Variants in RSBN1L observed in about 807,000 individuals in gnomAD.
RSBN1L encodes the protein lysine-specific demethylase RSBN1L.
A neutral mutation model predicts 67.7 loss-of-function variants in RSBN1L; 30 were observed. The ratio of observed to expected loss-of-function variants is 0.44; its 90% CI spans 0.33 to 0.60. The LOEUF (loss-of-function observed/expected upper bound fraction) is 0.60, where lower values mean the gene tolerates loss of function less well. RSBN1L is among the 20% of genes least tolerant of loss of function. The pLI is 0.02. For synonymous variants in RSBN1L, 433 were observed against 387.0 expected (o/e 1.12, Z -1.39); for missense variants, 992 against 1,031.7 (o/e 0.96, Z 0.53).
At chr7:77,744,507 A>G (rs1791456351) in intron 2 of RSBN1L, among the ~76,000 whole-genome samples, 1 of 151,162 alleles carries the variant, frequency 6.6e-6, no homozygotes, top group African/African-American at 2.4e-5. Flanking sequence ...GAGACGTCTC[A>G]CTCTCGTCAC....
intron 1 of RSBN1L, among the ~76,000 whole-genome samples, chr7:77,711,191 T>A (rs146233234): frequency 0.012 from 1,848 of 152,178 alleles, 20 homozygotes; most frequent in Non-Finnish European, 0.017. Flanking sequence ...GGAAAGGAAA[T>A]AAACTGTGGG....
intron 3 of RSBN1L, among the ~76,000 whole-genome samples, chr7:77,754,149 C>T (rs1791588632): frequency 6.6e-6 from 1 of 152,202 alleles, no homozygotes; most frequent in Non-Finnish European, 1.5e-5. Context: ...GTGATCCTCC[C>T]ACCTCAGCTT....
intron 1 of RSBN1L, among the ~76,000 whole-genome samples, chr7:77,730,750 A>G (rs1791262689): frequency 6.6e-6 from 1 of 152,234 alleles, no homozygotes; most frequent in Non-Finnish European, 1.5e-5. Context: ...GTGCTGAAGA[A>G]TATTCCATTG....
At chr7:77,760,080 A>G (rs1238222363) in intron 3 of RSBN1L, among the ~76,000 whole-genome samples, 1 of 152,234 alleles carries the variant, frequency 6.6e-6, no homozygotes. Flanking sequence ...TCGTAATTAC[A>G]TAAGAGAAAA....
At chr7:77,765,987 G>T (rs1049380790) in intron 4 of RSBN1L, among the ~76,000 whole-genome samples, 3 of 152,138 alleles carry the variant, frequency 2.0e-5, no homozygotes, top group Admixed American at 6.6e-5. Context: ...AGAAGTACAG[G>T]AAGGATTCTA....
At chr7:77,756,764 G>A (rs895848635) in intron 3 of RSBN1L, among the ~76,000 whole-genome samples, 1 of 152,206 alleles carries the variant, frequency 6.6e-6, no homozygotes, top group Admixed American at 6.5e-5. Flanking sequence ...GGACGACAGA[G>A]TGAGACTCCG....
chr7:77,703,309 C>T (rs142192128), intron 1 of RSBN1L, among the ~76,000 whole-genome samples: 1 of 152,044 alleles, frequency 6.6e-6, no homozygotes, highest in Admixed American at 6.6e-5. Flanking sequence ...TGGGGTATTG[C>T]AGGATAAAGA....
chr7:77,759,772 T>G (rs900251021), intron 3 of RSBN1L: 3 of 152,192 alleles, frequency 2.0e-5, no homozygotes, highest in African/African-American at 7.2e-5. Flanking sequence ...CTTGGAATGT[T>G]GATAGGTATA....
At chr7:77,736,128 T>A (rs1791333294) in intron 1 of RSBN1L, among the ~76,000 whole-genome samples, 1 of 152,138 alleles carries the variant, frequency 6.6e-6, no homozygotes, top group African/African-American at 2.4e-5. Context: ...TTAGTTATTT[T>A]AAGTGATTTG....
At chr7:77,761,804 A>G (rs1349449129) in intron 3 of RSBN1L, among the ~76,000 whole-genome samples, 1 of 152,208 alleles carries the variant, frequency 6.6e-6, no homozygotes. Context: ...GTTAAAGGTT[A>G]TATTACAATA....
At chr7:77,700,396 C>G (rs1442997147) in intron 1 of RSBN1L, among the ~76,000 whole-genome samples, 2 of 152,066 alleles carry the variant, frequency 1.3e-5, no homozygotes, top group Non-Finnish European at 2.9e-5. Context: ...TACTTTTTTC[C>G]TTAAAATGAC....
intron 1 of RSBN1L, among the ~76,000 whole-genome samples, chr7:77,714,435 G>C (rs987184251): frequency 1.3e-5 from 2 of 152,142 alleles, no homozygotes; most frequent in African/African-American, 4.8e-5. Context: ...TTTTTAGAAT[G>C]TCATATAAGT....
At chr7:77,778,479 G>GT in intron 7 of RSBN1L, 33 bp downstream of exon 7, 1 of 1,596,372 alleles carries the variant, frequency 6.3e-7, no homozygotes, top group Non-Finnish European at 8.5e-7. Context: ...CTTTGGTTTA[G>GT]TTTTTATTAT....
chr7:77,781,662 C>T lies in RSBN1L; in HGVS notation c.*2494C>T, dbSNP rs916435542. On this transcript the variant is annotated 3_prime_UTR_variant, in exon 8 of 8. Transcript: ENST00000334955. The stretch of plus-strand genomic sequence containing the variant: ...CTATATAACCTATAGTCAGACTTAT[C>T]TATAATATGAAAATTTAATTGTTTT... 5 of 152,066 alleles carry T rather than the reference C, an allele frequency of 3.3e-5. No homozygotes were observed. Among genetic ancestry groups the T allele is most frequent in the African/African-American group, 1.2e-4 (5 of 41,416 alleles). 9.4% of individuals were successfully genotyped at this position (152,066 alleles called of 1,614,324 possible). A position where few individuals can be genotyped will look rare whatever the true frequency, so the allele number is the denominator to read the frequency against.
At chr7:77,697,162 C>T in intron 1 of RSBN1L, 107 bp downstream of exon 1, 1 of 1,219,856 alleles carries the variant, frequency 8.2e-7, no homozygotes, top group South Asian at 2.9e-5. Flanking sequence ...GTGCGCCGGC[C>T]TGGAGGGGCT....
chr7:77,746,274 C>T (rs556137178), intron 2 of RSBN1L, among the ~76,000 whole-genome samples: 1 of 152,246 alleles, frequency 6.6e-6, no homozygotes, highest in Admixed American at 6.5e-5. Context: ...TTCGGGAGGC[C>T]TCAGGAAACT....
At chr7:77,708,443 A>T (rs1790924243) in intron 1 of RSBN1L, among the ~76,000 whole-genome samples, 2 of 150,358 alleles carry the variant, frequency 1.3e-5, no homozygotes, top group African/African-American at 4.9e-5. Flanking sequence ...GTGCAGTGGC[A>T]TGATCTCGGC....
intron 2 of RSBN1L, among the ~76,000 whole-genome samples, chr7:77,743,300 C>T (rs1292176479): frequency 6.6e-6 from 1 of 152,004 alleles, no homozygotes; most frequent in Non-Finnish European, 1.5e-5. Flanking sequence ...CCTTGATGCT[C>T]AGTCTAAGAA....
rs1791946990 is a variant in RSBN1L, at chr7:77,778,397, A to T, written c.1853A>T (p.Glu618Val). The change falls in exon 7 of 8, where the codon GAA (glutamate) becomes GTA (valine). Residue 618 changes from glutamate (E) to valine (V), a missense_variant. Glu to Val is a moderately radical substitution (Grantham distance 121). Transcript: ENST00000334955. ...TGTTTTCATGCTGAAGATTTCTTAG[A>T]AGTAGTTCAACGAATGCAGTTAGAT... Reference protein sequence around the residue: ...VICFHAEDFLEVVQRMQLDLH... With the variant: ...VICFHAEDFLVVVQRMQLDLH... 1 of 1,613,558 alleles carries T rather than the reference A, an allele frequency of 6.2e-7. No individual in the cohort carries two copies. Among genetic ancestry groups the T allele is most frequent in the Non-Finnish European group, 8.5e-7 (1 of 1,179,734 alleles).
Sources: allele counts gnomAD v4.1 joint callset (sites outside exome capture counted in the v4.1 genomes callset), GRCh38; gene constraint gnomAD v4.1.1; transcripts MANE v1.5; gene names NCBI Gene and HGNC (gene_info 2026-07-23, HGNC 2026-07-21).